LGALS9: variants seen among roughly 807,000 people sequenced by gnomAD.
LGALS9 encodes galectin 9.
LGALS9 carries 26 observed loss-of-function variants against 35.9 expected under a neutral mutation model. The ratio of observed to expected loss-of-function variants is 0.72; its 90% CI spans 0.53 to 1.01. The LOEUF (loss-of-function observed/expected upper bound fraction) is 1.01, where lower values mean the gene tolerates loss of function less well. LGALS9 is among the 50% of genes least tolerant of loss of function. The probability of loss-of-function intolerance (pLI) is 0.00; values close to 1 mark genes in which losing one functional copy is unlikely to be tolerated. For synonymous variants in LGALS9, 149 were observed against 172.2 expected, an observed-to-expected ratio of 0.87 and a Z score of 1.06; for missense variants, 347 against 445.8, an observed-to-expected ratio of 0.78 and a Z score of 1.99.
rs1481525706 is a variant in LGALS9 at position 27,647,021 on chromosome 17, T to C, written c.670-9T>C. On this transcript the variant is annotated splice_polypyrimidine_tract_variant and intron_variant, in intron 8 of 10. Coordinates refer to ENST00000395473, the MANE Select transcript of LGALS9 (RefSeq NM_009587.3). ...CGTGGTGGCTGACCTGTCCCCCTTCTTCCGACAGCCGATGCCTTTCATCAC... is the reference window on the plus strand; with the variant it reads ...CGTGGTGGCTGACCTGTCCCCCTTCCTCCGACAGCCGATGCCTTTCATCAC... The C allele has an allele frequency of 6.2e-6, 10 of 1,613,852 alleles. No homozygotes were observed. Among genetic ancestry groups the C allele is most frequent in the Middle Eastern group, 1.6e-4 (1 of 6,078 alleles).
intron 6 of LGALS9, 96 bp from the exon 7 acceptor site, chr17:27,645,765 G>A (rs966534478): frequency 1.8e-5 from 17 of 950,544 alleles, no homozygotes; most frequent in African/African-American, 5.0e-5. Context: ...GGCTTGTTAC[G>A]CCCCCTGGAG....
At chr17:27,641,121 C>T in intron 3 of LGALS9, 1 of 455,930 alleles carries the variant, frequency 2.2e-6, no homozygotes, top group South Asian at 1.8e-5. Context: ...TTTTCAGCGA[C>T]ATCGTTCCAG....
At chr17:27,643,692 C>T in intron 5 of LGALS9, 72 bp downstream of exon 5, 1 of 1,509,182 alleles carries the variant, frequency 6.6e-7, no homozygotes, top group Non-Finnish European at 8.8e-7. Context: ...GAGGCTGGCC[C>T]CAGCCAGCAG....
chr17:27,640,895 C>CCACTATACAGATA (rs1395654403), intron 3 of LGALS9, 122 bp downstream of exon 3: 17 of 1,431,084 alleles, frequency 1.2e-5, no homozygotes, highest in Non-Finnish European at 1.5e-5. Context: ...ACAGATAACA[C>CCACTATACAGATA]GCTCATTTCC....
chr17:27,637,160 A>T (rs2074461240), intron 1 of LGALS9, among the ~76,000 whole-genome samples: 1 of 152,166 alleles, frequency 6.6e-6, no homozygotes, highest in South Asian at 2.1e-4. Flanking sequence ...GACATTGGAT[A>T]TGAAGCATTT....
chr17:27,647,784 G>T (rs1905056238), intron 10 of LGALS9, among the ~76,000 whole-genome samples: 1 of 152,240 alleles, frequency 6.6e-6, no homozygotes, highest in Admixed American at 6.5e-5. Flanking sequence ...CACCCCACAT[G>T]CTGGGGGCAC....
At chr17:27,648,030 T>C (rs984413411) in intron 10 of LGALS9, among the ~76,000 whole-genome samples, 2 of 152,254 alleles carry the variant, frequency 1.3e-5, no homozygotes, top group African/African-American at 4.8e-5. Flanking sequence ...CCTGACTACA[T>C]ATTCAAATCA....
intron 1 of LGALS9, among the ~76,000 whole-genome samples, chr17:27,633,409 G>A (rs1385291640): frequency 6.6e-6 from 1 of 152,220 alleles, no homozygotes; most frequent in East Asian, 1.9e-4. Context: ...ATGGAAGGTG[G>A]CCAGCAGGAC....
chr17:27,649,014 G>A lies in LGALS9; in HGVS notation c.*32G>A. On this transcript the variant is annotated 3_prime_UTR_variant, in exon 11 of 11. Transcript: ENST00000395473. ...TCCTGGCCCTGGGGCCGGGGGCTGG[G>A]GTGTGGGGCAGTCTGGGTCCTCTCA... is the stretch of plus-strand genomic sequence containing the variant. 1 of 1,613,624 alleles carries A rather than the reference G, an allele frequency of 6.2e-7. No individual in the cohort carries two copies. The highest frequency in any genetic ancestry group is 1.3e-5 in the African/African-American group (1 of 75,006).
chr17:27,646,691 A>T lies in LGALS9; in HGVS notation c.669+103A>T, dbSNP rs1022579646. On this transcript the variant is annotated intron_variant, in intron 8 of 10. Coordinates refer to ENST00000395473, the MANE Select transcript of LGALS9 (RefSeq NM_009587.3). ...CCACTGGCCTTGAAAAATTAAAAGCAGTCATTTGTTAAGCTGAAGGGCTTC... is the reference window on the plus strand; with the variant it reads ...CCACTGGCCTTGAAAAATTAAAAGCTGTCATTTGTTAAGCTGAAGGGCTTC... 1.1e-5 allele frequency: 18 copies of T among 1,571,790 alleles called. No homozygotes were observed. In the African/African-American group the frequency reaches 2.4e-4, roughly 21 times the overall value.
Position 27,636,956 on chromosome 17 carries a change from A to G in LGALS9, c.40-1307A>G, listed in dbSNP as rs974339843. On this transcript the variant is annotated intron_variant, in intron 1 of 10. Transcript: ENST00000395473. Reference sequence around the variant, plus strand: ...TGACTTTTCAGATGAGGGGTGTGACATCTACTTTGCCACAGTCCCCACCAC... The same window carrying G: ...TGACTTTTCAGATGAGGGGTGTGACGTCTACTTTGCCACAGTCCCCACCAC... 1.6e-4 allele frequency among the ~76,000 whole-genome samples: 24 copies of G among 152,216 alleles called. 2 individuals are homozygous for G. The East Asian group carries it at 2.5e-3, about 16-fold the overall frequency.
At chr17:27,647,558 G>A in intron 10 of LGALS9, 126 bp downstream of exon 10, 1 of 1,344,846 alleles carries the variant, frequency 7.4e-7, no homozygotes, top group East Asian at 2.5e-5. Context: ...CCCAAAAGAA[G>A]AGAAGGTGGC....
intron 7 of LGALS9, 38 bp from the exon 8 acceptor site, chr17:27,646,509 G>T (rs1904954129): frequency 6.2e-7 from 1 of 1,611,862 alleles, no homozygotes; most frequent in Admixed American, 1.7e-5. Context: ...GCGCACCCAT[G>T]TGCTCTCCCA....
At chr17:27,637,137 C>T (rs371233083) in intron 1 of LGALS9, among the ~76,000 whole-genome samples, 2 of 151,760 alleles carry the variant, frequency 1.3e-5, no homozygotes, top group African/African-American at 2.4e-5. Context: ...TGCTTTAATG[C>T]GGGTTATAGA....
In LGALS9 at chr17:27,646,573, C is replaced by A. The variant is rs765801163; in HGVS notation, c.654C>A (p.Tyr218Ter). The A allele has an allele frequency of 6.2e-7, 1 of 1,612,270 alleles. No homozygotes were observed. Among genetic ancestry groups the A allele is most frequent in the African/African-American group, 1.3e-5 (1 of 74,976 alleles). Reference protein sequence around the residue: ...FSTPAIPPMMYPHPAYPMPFI... With the variant: ...FSTPAIPPMM ...CTCCCGCCATCCCACCTATGATGTACCCCCACCCCGCCTATGTAAGTGGTT... is the reference window on the plus strand; with the variant it reads ...CTCCCGCCATCCCACCTATGATGTAACCCCACCCCGCCTATGTAAGTGGTT... The change falls in exon 8 of 11, where the codon TAC becomes TAA. Residue 218 changes from tyrosine to a stop codon, truncating the protein, a stop_gained. Transcript: ENST00000395473. LOFTEE classifies it high-confidence loss of function.
chr17:27,645,341 G>A lies in LGALS9; in HGVS notation c.568G>A (p.Ala190Thr). The A allele has an allele frequency of 6.2e-7, 1 of 1,613,668 alleles. No individual in the cohort carries two copies. Among genetic ancestry groups the A allele is most frequent in the Non-Finnish European group, 8.5e-7 (1 of 1,179,810 alleles). The change falls in exon 6 of 11, where the codon GCT (alanine) becomes ACT (threonine). Residue 190 changes from alanine to threonine, a missense_variant. Coordinates refer to ENST00000395473, the MANE Select transcript of LGALS9 (RefSeq NM_009587.3). ...TCCCGGCGTGTGGCCTGCCAACCCG[G>A]CTCCCATTGTAAGTCTCTTGCTTTC... ...KPPGVWPANP[A>T]PITQTVIHTV...
chr17:27,636,955 C>T (rs970017084), intron 1 of LGALS9, among the ~76,000 whole-genome samples: 11 of 152,136 alleles, frequency 7.2e-5, no homozygotes, highest in Non-Finnish European at 1.6e-4. Flanking sequence ...AGGGGTGTGA[C>T]ATCTACTTTG....
At position 27,640,661 on chromosome 17, in the gene LGALS9, G is replaced by A; in HGVS notation, c.221G>A (p.Cys74Tyr). 1 of 1,614,234 alleles carries A rather than the reference G, an allele frequency of 6.2e-7. No homozygotes were observed. Among genetic ancestry groups the A allele is most frequent in the Middle Eastern group, 1.6e-4 (1 of 6,062 alleles). The change falls in exon 3 of 11, where the codon TGC (cysteine) becomes TAC (tyrosine). Residue 74 changes from cysteine (C) to tyrosine (Y), a missense_variant. Coordinates refer to ENST00000395473, the MANE Select transcript of LGALS9 (RefSeq NM_009587.3). ...TTTGAAGATGGAGGGTACGTGGTGT[G>A]CAACACGAGGCAGAACGGAAGCTGG... is the stretch of plus-strand genomic sequence containing the variant. Reference protein sequence around the residue: ...PRFEDGGYVVCNTRQNGSWGP... With the variant: ...PRFEDGGYVVYNTRQNGSWGP...
chr17:27,631,574 GGAA>G (rs2074393314), intron 1 of LGALS9, among the ~76,000 whole-genome samples: 1 of 152,184 alleles, frequency 6.6e-6, no homozygotes, highest in Non-Finnish European at 1.5e-5. Context: ...TGTGCTCAGG[GGAA>G]GACATGTAGA....
Sources: gnomAD v4.1 joint callset for allele counts (sites outside exome capture counted in the v4.1 genomes callset) on GRCh38, gnomAD v4.1.1 for gene constraint, MANE v1.5 for transcripts, NCBI Gene and HGNC (gene_info 2026-07-23, HGNC 2026-07-21) for gene names.